CHRNA3: variants seen among roughly 807,000 people sequenced by gnomAD.
CHRNA3 encodes the protein cholinergic receptor nicotinic alpha 3 subunit.
Under a neutral mutation model 41.9 loss-of-function variants are expected in CHRNA3, and 34 were observed. That is an observed-to-expected ratio of 0.81 (90% confidence interval 0.62 to 1.08). The LOEUF is 1.08. Ranked by LOEUF, CHRNA3 falls within the 50% of genes least tolerant of loss-of-function variation. CHRNA3 has a pLI of 0.00. For missense variants in CHRNA3, 542 were observed against 638.3 expected, an observed-to-expected ratio of 0.85 and a Z score of 1.63; for synonymous variants, 281 against 265.2, an observed-to-expected ratio of 1.06 and a Z score of -0.58.
chr15:78,603,358 AC>A (rs976797502), intron 4 of CHRNA3, among the ~76,000 whole-genome samples: 3 of 152,144 alleles, frequency 2.0e-5, no homozygotes, highest in African/African-American at 7.2e-5. Flanking sequence ...GGTTTGTTCG[AC>A]AGAAAATCAG....
rs942465548 is a variant in CHRNA3, at chr15:78,609,102, T to C, written c.378-6838A>G. ...GTGAAAAGACCAAATCTACATCTGA[T>C]TGGTGTACCTGAAAGTGACGGGGAG... On this transcript the variant is annotated intron_variant, in intron 4 of 5. Coordinates refer to ENST00000326828, the MANE Select transcript of CHRNA3 (RefSeq NM_000743.5). Among the ~76,000 whole-genome samples the C allele has an allele frequency of 4.6e-5, 7 of 152,162 alleles. No individual in the cohort carries two copies. In the East Asian group the frequency reaches 5.8e-4, roughly 13 times the overall value.
At position 78,620,846 on chromosome 15, in the gene CHRNA3, G is replaced by A. The variant is rs1425782250; in HGVS notation, c.-52C>T. On this transcript the variant is annotated 5_prime_UTR_variant, in exon 1 of 6. Transcript: ENST00000326828. ...CCGGACGGTCGGGAGCGGGCGCGGC[G>A]GTCGCAGAGACGGCCTCTCCCCGCG... 6 of 1,328,148 alleles carry A rather than the reference G, an allele frequency of 4.5e-6. No individual in the cohort carries two copies. In the South Asian group the frequency reaches 8.3e-5, roughly 18 times the overall value. The allele number at this position is 1,328,148 out of a possible 1,614,324, so 82.3% of individuals were successfully genotyped here.
intron 5 of CHRNA3, among the ~76,000 whole-genome samples, chr15:78,600,415 G>A (rs2053179627): frequency 6.6e-6 from 1 of 152,180 alleles, no homozygotes; most frequent in South Asian, 2.1e-4. Context: ...ACACTGACTG[G>A]CAAGGGCATT....
intron 4 of CHRNA3, among the ~76,000 whole-genome samples, chr15:78,616,794 C>G (rs2053468977): frequency 6.6e-6 from 1 of 152,242 alleles, no homozygotes; most frequent in Admixed American, 6.5e-5. Context: ...CCATCTTCCA[C>G]CCACCCATGC....
chr15:78,596,462 A>C lies in CHRNA3; in HGVS notation c.*142T>G. The C allele has an allele frequency of 7.6e-7, 1 of 1,315,886 alleles. No homozygotes were observed. The highest frequency in any genetic ancestry group is 2.5e-5 in the South Asian group (1 of 40,400). The allele number at this position is 1,315,886 out of a possible 1,614,324, so 81.5% of individuals were successfully genotyped here. A position where few individuals can be genotyped will look rare whatever the true frequency, so the allele number is the denominator to read the frequency against. On this transcript the variant is annotated 3_prime_UTR_variant, in exon 6 of 6. Coordinates refer to ENST00000326828, the MANE Select transcript of CHRNA3 (RefSeq NM_000743.5). ...GACATTTTTTTTTTTGCATGATTCCAAGATAAGTGGAAAATAAGTAAACCT... is the reference window on the plus strand; with the variant it reads ...GACATTTTTTTTTTTGCATGATTCCCAGATAAGTGGAAAATAAGTAAACCT...
intron 5 of CHRNA3, among the ~76,000 whole-genome samples, chr15:78,598,863 T>C (rs1205589779): frequency 7.9e-6 from 1 of 125,966 alleles, no homozygotes; most frequent in African/African-American, 3.1e-5. Flanking sequence ...AAACGGAGTC[T>C]CACTCTGTCA....
rs188771709 is a variant in CHRNA3 at position 78,613,046 on chromosome 15, C to T, written c.377+3978G>A. Among the ~76,000 whole-genome samples, 228 of 152,078 alleles carry T rather than the reference C, an allele frequency of 1.5e-3. 1 individual carries two copies. Among genetic ancestry groups the T allele is most frequent in the African/African-American group, 5.2e-3 (216 of 41,460 alleles). The stretch of plus-strand genomic sequence containing the variant: ...TACCATCTCACACCAGTTAGAATGG[C>T]GATCATTAAAAGGTCAGGAAACAAC... On this transcript the variant is annotated intron_variant, in intron 4 of 5. Transcript: ENST00000326828.
chr15:78,605,688 A>G (rs2053273213), intron 4 of CHRNA3, among the ~76,000 whole-genome samples: 1 of 152,004 alleles, frequency 6.6e-6, no homozygotes, highest in African/African-American at 2.4e-5. Context: ...GCCTCCCAAA[A>G]CCTCCCTTTC....
chr15:78,603,231 T>C (rs1219418988), intron 4 of CHRNA3, among the ~76,000 whole-genome samples: 1 of 152,198 alleles, frequency 6.6e-6, no homozygotes, highest in African/African-American at 2.4e-5. Flanking sequence ...GCTGGGCTGG[T>C]CTCGAACTCC....
rs374074533 is a variant in CHRNA3 at position 78,601,790 on chromosome 15, C to T, written c.852G>A (p.Thr284=). ...TCTCAGTGATCACCAGGAGAAACAC[C>T]GTCAGGGAGAGGAGGACAGAAATGC... ...TLCISVLLSL[T]VFLLVITETI... The change falls in exon 5 of 6, where the codon ACG becomes ACA. Residue 284 remains threonine (T), a synonymous_variant. Transcript: ENST00000326828. 13 of 1,613,974 alleles carry T rather than the reference C, an allele frequency of 8.1e-6. No homozygotes were observed. The East Asian group carries it at 1.3e-4, about 17-fold the overall frequency.
chr15:78,620,360 G>T, intron 1 of CHRNA3: 1 of 177,638 alleles, frequency 5.6e-6, no homozygotes, highest in Non-Finnish European at 1.2e-5. Flanking sequence ...CGCCAGTTTG[G>T]GAGCCAGTGC....
chr15:78,593,338 T>G, downstream of CHRNA3: 1 of 1,354,860 alleles, frequency 7.4e-7, no homozygotes, highest in Non-Finnish European at 9.8e-7. Context: ...GTAAGTTATG[T>G]GTTAAATTTA....
In CHRNA3 at chr15:78,601,677, G is replaced by A; in HGVS notation, c.965C>T (p.Thr322Ile). 1 of 1,614,178 alleles carries A rather than the reference G, an allele frequency of 6.2e-7. No homozygotes were observed. Among genetic ancestry groups the A allele is most frequent in the South Asian group, 1.1e-5 (1 of 91,078 alleles). ...MIFVTLSIVI[T>I]VFVLNVHYRT... is the part of the protein sequence containing the mutation. ...GTAGTGCACGTTGAGCACGAAGACG[G>A]TGATGACGATGGACAAGGTTACAAA... The change falls in exon 5 of 6, where the codon ACC becomes ATC. Residue 322 changes from threonine (T) to isoleucine (I), a missense_variant. Coordinates refer to ENST00000326828, the MANE Select transcript of CHRNA3 (RefSeq NM_000743.5).
chr15:78,611,303 T>C (rs1015718625), intron 4 of CHRNA3, among the ~76,000 whole-genome samples: 5 of 152,052 alleles, frequency 3.3e-5, no homozygotes, highest in South Asian at 2.1e-4. Flanking sequence ...TTGATGAACA[T>C]TGATGCAAAA....
chr15:78,599,363 C>G (rs1311249649), intron 5 of CHRNA3, among the ~76,000 whole-genome samples: 1 of 152,012 alleles, frequency 6.6e-6, no homozygotes, highest in Non-Finnish European at 1.5e-5. Flanking sequence ...GGTGAACTAG[C>G]CCAAATTGAG....
Position 78,617,084 on chromosome 15 carries a change from GC to G in CHRNA3, c.316del (p.Ala106GlnfsTer42). 1.2e-6 allele frequency: 2 copies of G among 1,613,846 alleles called. No homozygotes were observed. The highest frequency in any genetic ancestry group is 1.7e-6 in the Non-Finnish European group (2 of 1,179,876). On this transcript the variant is annotated frameshift_variant, in exon 4 of 6. Coordinates refer to ENST00000326828, the MANE Select transcript of CHRNA3 (RefSeq NM_000743.5). LOFTEE classifies it high-confidence loss of function. ...CTGTGCAGGGACACGCATGAACTCT[GC>G]CCCACCATAGTCAGAGGGGTTCCAT... ...LKWNPSDYGGAEFMRVPAQKI... is the reference protein window; with the variant it reads ...LKWNPSDYGGXEFMRVPAQKI...
At position 78,615,048 on chromosome 15, in the gene CHRNA3, C is replaced by T. The variant is rs376518813; in HGVS notation, c.377+1976G>A. Among the ~76,000 whole-genome samples, 18 of 152,220 alleles carry T rather than the reference C, an allele frequency of 1.2e-4. No homozygotes were observed. In the East Asian group the frequency reaches 1.7e-3, roughly 15 times the overall value. On this transcript the variant is annotated intron_variant, in intron 4 of 5. Coordinates refer to ENST00000326828, the MANE Select transcript of CHRNA3 (RefSeq NM_000743.5). ...AGTGGCCCACTGTGAAGGACTGGCT[C>T]GAGAGCAGCTTCTCTCGATGGCAGG...
Position 78,602,114 on chromosome 15 carries a change from C to T in CHRNA3, c.528G>A (p.Lys176=). 2 of 1,614,120 alleles carry T rather than the reference C, an allele frequency of 1.2e-6. No homozygotes were observed. Among genetic ancestry groups the T allele is most frequent in the Non-Finnish European group, 8.5e-7 (1 of 1,180,034 alleles). The change falls in exon 5 of 6, where the codon AAG becomes AAA. Residue 176 remains lysine (K), a synonymous_variant. Transcript: ENST00000326828. Reference sequence around the variant, plus strand: ...CCTTATCGTAGGACCAGGAACCGAACTTCATGGTACAGTTTTGGTAATCAA... The same window carrying T: ...CCTTATCGTAGGACCAGGAACCGAATTTCATGGTACAGTTTTGGTAATCAA... The part of the protein sequence containing the change: ...FPFDYQNCTM[K]FGSWSYDKAK...
chr15:78,606,749 A>G (rs2053294511), intron 4 of CHRNA3, among the ~76,000 whole-genome samples: 1 of 151,614 alleles, frequency 6.6e-6, no homozygotes, highest in African/African-American at 2.4e-5. Flanking sequence ...ATACAAAAAA[A>G]TTAGCCGGAT....
Sources: allele counts gnomAD v4.1 joint callset (sites outside exome capture counted in the v4.1 genomes callset), GRCh38; gene constraint gnomAD v4.1.1; transcripts MANE v1.5; gene names NCBI Gene and HGNC (gene_info 2026-07-23, HGNC 2026-07-21).